Variants in ALMS1 observed in about 807,000 individuals in gnomAD.
The protein encoded by ALMS1 is centrosome-associated protein ALMS1.
A neutral mutation model predicts 352.2 loss-of-function variants in ALMS1; 271 were observed. That is an observed-to-expected ratio of 0.77 (90% CI 0.70 to 0.85). The LOEUF is 0.85. Ranked by LOEUF, ALMS1 falls within the 40% of genes least tolerant of loss-of-function variation. The pLI is 0.00. For missense variants in ALMS1, 5,445 were observed against 4,870.7 expected (o/e 1.12, Z -3.51); for synonymous variants, 1,865 against 1,761.2 (o/e 1.06, Z -1.48).
intron 1 of ALMS1, among the ~76,000 whole-genome samples, chr2:73,388,550 A>G (rs1670584438): frequency 6.6e-6 from 1 of 152,116 alleles, no homozygotes; most frequent in African/African-American, 2.4e-5. Flanking sequence ...CACTTGTCTT[A>G]CCAGTGAGAG....
At chr2:73,481,986 G>A (rs371715388) in intron 9 of ALMS1, among the ~76,000 whole-genome samples, 223 of 152,068 alleles carry the variant, frequency 1.5e-3, no homozygotes, top group African/African-American at 3.5e-3. Context: ...GGCTGAGACA[G>A]TGGGGTTTTC....
chr2:73,392,746 C>A (rs1670676582), intron 1 of ALMS1, among the ~76,000 whole-genome samples: 1 of 152,076 alleles, frequency 6.6e-6, no homozygotes, highest in Non-Finnish European at 1.5e-5. Flanking sequence ...ATCCATTCAT[C>A]AGTTGATGGA....
At position 73,599,080 on chromosome 2, in the gene ALMS1, G is replaced by C. The variant is rs546777084; in HGVS notation, c.11548-321G>C. Among the ~76,000 whole-genome samples, 16 of 152,238 alleles carry C rather than the reference G, an allele frequency of 1.1e-4. 1 individual carries two copies. In the South Asian group the frequency reaches 3.3e-3, roughly 32 times the overall value. ...TTATCTCACATGAAAATTATGTGCA[G>C]GTGTCACTTCAGAATTTCATTCTGA... On this transcript the variant is annotated intron_variant, in intron 16 of 22. Coordinates refer to ENST00000613296, the MANE Select transcript of ALMS1 (RefSeq NM_001378454.1).
At chr2:73,447,928 T>C in intron 7 of ALMS1, 32 bp from the exon 8 acceptor site, 1 of 1,558,206 alleles carries the variant, frequency 6.4e-7, no homozygotes, top group Non-Finnish European at 8.7e-7. Flanking sequence ...TAGAAAATTT[T>C]ATATACTATT....
chr2:73,438,059 C>T (rs760032591), intron 7 of ALMS1, among the ~76,000 whole-genome samples: 2 of 152,180 alleles, frequency 1.3e-5, no homozygotes, highest in Non-Finnish European at 2.9e-5. Context: ...TGTCCTGTGT[C>T]TTCCCCAGCT....
At chr2:73,389,701 C>T (rs1574425898) in intron 1 of ALMS1, among the ~76,000 whole-genome samples, 1 of 151,654 alleles carries the variant, frequency 6.6e-6, no homozygotes, top group Non-Finnish European at 1.5e-5. Context: ...CTTTTTTTTC[C>T]CCCGCCGAGA....
At chr2:73,600,110 AT>A (rs899142030) in intron 17 of ALMS1, among the ~76,000 whole-genome samples, 16 of 152,124 alleles carry the variant, frequency 1.1e-4, no homozygotes, top group Non-Finnish European at 1.5e-5. Flanking sequence ...TACAATATGA[AT>A]TTTTTTTAAT....
intron 5 of ALMS1, among the ~76,000 whole-genome samples, chr2:73,426,123 A>G (rs140548918): frequency 1.2e-4 from 19 of 152,378 alleles, no homozygotes; most frequent in African/African-American, 4.6e-4. Context: ...TATTAACTTC[A>G]GAATCTTTGG....
In ALMS1 at chr2:73,464,068, A is replaced by G. The variant is rs534356207; in HGVS notation, c.7674+8773A>G. 5.9e-3 allele frequency among the ~76,000 whole-genome samples: 902 copies of G among 152,334 alleles called. 10 individuals carry two copies. Among genetic ancestry groups the G allele is most frequent in the Middle Eastern group, 0.037 (11 of 294 alleles). ...TGAAACTATTCCAATCAATAGAAAA[A>G]GAGGGAATCCTCCCTAACTCATTTT... is the stretch of plus-strand genomic sequence containing the variant. On this transcript the variant is annotated intron_variant, in intron 9 of 22. Transcript: ENST00000613296.
At chr2:73,461,706 C>G (rs1464258674) in intron 9 of ALMS1, among the ~76,000 whole-genome samples, 3 of 151,804 alleles carry the variant, frequency 2.0e-5, no homozygotes, top group African/African-American at 4.8e-5. Flanking sequence ...TAAAAACTTT[C>G]AAAAAAATTA....
At chr2:73,576,592 A>G (rs1395946398) in intron 16 of ALMS1, among the ~76,000 whole-genome samples, 1 of 149,570 alleles carries the variant, frequency 6.7e-6, no homozygotes, top group East Asian at 1.9e-4. Flanking sequence ...TTCAGCATCT[A>G]TTGAGATTAC....
chr2:73,452,393 C>T lies in ALMS1; in HGVS notation c.5866C>T (p.Pro1956Ser). 5 of 1,613,996 alleles carry T rather than the reference C, an allele frequency of 3.1e-6. No individual in the cohort carries two copies. The highest frequency in any genetic ancestry group is 4.2e-6 in the Non-Finnish European group (5 of 1,179,974). The change falls in exon 8 of 23, where the codon CCA becomes TCA. Residue 1956 changes from proline to serine, a missense_variant. Physicochemically the swap from Pro to Ser is moderately conservative, Grantham distance 74. Coordinates refer to ENST00000613296, the MANE Select transcript of ALMS1 (RefSeq NM_001378454.1). The stretch of plus-strand genomic sequence containing the variant: ...CAGTGTTATCTCTCAACAGGAGTTG[C>T]CAGACAGTCATCTCACAGAAGAGGC... ...KPSVISQQEL[P>S]DSHLTEEALK... is the part of the protein sequence containing the mutation.
In ALMS1 at chr2:73,401,695, G is replaced by A. The variant is rs568708270; in HGVS notation, c.325-6927G>A. On this transcript the variant is annotated intron_variant, in intron 1 of 22. Transcript: ENST00000613296. ...ATAGTTACTGCCTTTTTTTTTTTGT[G>A]GCAAGAGCTTCTAAAATCCTTTTAG... Among the ~76,000 whole-genome samples the A allele has an allele frequency of 8.6e-4, 127 of 147,680 alleles. 1 individual carries two copies. The highest frequency in any genetic ancestry group is 3.1e-3 in the African/African-American group (123 of 40,192).
At chr2:73,591,782 A>C (rs1478882904) in intron 16 of ALMS1, among the ~76,000 whole-genome samples, 2 of 152,208 alleles carry the variant, frequency 1.3e-5, no homozygotes, top group Admixed American at 1.3e-4. Flanking sequence ...AGAATAAATA[A>C]ATGTATAGGG....
intron 10 of ALMS1, among the ~76,000 whole-genome samples, chr2:73,500,151 C>T (rs948300907): frequency 2.0e-5 from 3 of 152,104 alleles, no homozygotes; most frequent in African/African-American, 4.8e-5. Flanking sequence ...TTCATAATGA[C>T]GTGTTATGAA....
chr2:73,463,050 A>G (rs1358249606), intron 9 of ALMS1, among the ~76,000 whole-genome samples: 1 of 152,204 alleles, frequency 6.6e-6, no homozygotes, highest in African/African-American at 2.4e-5. Context: ...CAGATCAACG[A>G]GACAGAAAGT....
At chr2:73,481,553 G>T (rs958841730) in intron 9 of ALMS1, among the ~76,000 whole-genome samples, 2 of 151,886 alleles carry the variant, frequency 1.3e-5, no homozygotes, top group Non-Finnish European at 2.9e-5. Flanking sequence ...TTGACTTGGC[G>T]ATGCAGGCTC....
At chr2:73,413,323 A>T (rs923687271) in intron 2 of ALMS1, among the ~76,000 whole-genome samples, 5 of 152,024 alleles carry the variant, frequency 3.3e-5, no homozygotes, top group Non-Finnish European at 5.9e-5. Context: ...AAACTTGTTT[A>T]TTGATTTTTT....
chr2:73,558,800 C>T (rs188886181), intron 14 of ALMS1, among the ~76,000 whole-genome samples, 172 bp from the exon 15 acceptor site: 3 of 152,232 alleles, frequency 2.0e-5, no homozygotes, highest in Non-Finnish European at 4.4e-5. Flanking sequence ...TATCTGTTTA[C>T]GTATGTGATT....
Sources: allele counts gnomAD v4.1 joint callset (sites outside exome capture counted in the v4.1 genomes callset), GRCh38; gene constraint gnomAD v4.1.1; transcripts MANE v1.5; gene names NCBI Gene and HGNC (gene_info 2026-07-23, HGNC 2026-07-21).